FAM185A: variants seen among roughly 807,000 people sequenced by gnomAD.
FAM185A encodes the protein family with sequence similarity 185 member A.
In FAM185A, 21 loss-of-function variants were observed where a neutral mutation model predicts 45.7. That is an observed-to-expected ratio of 0.46 (90% CI 0.33 to 0.66). The LOEUF is 0.66. Ranked by LOEUF, FAM185A falls within the 30% of genes least tolerant of loss-of-function variation. The pLI, the probability that FAM185A is intolerant of heterozygous loss-of-function variation, is 0.03. For synonymous variants in FAM185A, 117 were observed against 194.0 expected, an observed-to-expected ratio of 0.60 and a Z score of 3.30; for missense variants, 305 against 485.4, an observed-to-expected ratio of 0.63 and a Z score of 3.49.
intron 7 of FAM185A, among the ~76,000 whole-genome samples, chr7:102,800,169 C>T (rs1249241590): frequency 6.6e-6 from 1 of 152,148 alleles, no homozygotes; most frequent in Non-Finnish European, 1.5e-5. Flanking sequence ...CACAGCTCGG[C>T]TCTCAGGAAG....
At chr7:102,807,025 C>T (rs6963789) in intron 7 of FAM185A, among the ~76,000 whole-genome samples, 3,137 of 152,230 alleles carry the variant, frequency 0.021, 113 homozygotes, top group African/African-American at 0.071. Flanking sequence ...ATACATGGTC[C>T]ACTGTGGATG....
chr7:102,765,304 G>T (rs938708738), intron 4 of FAM185A, among the ~76,000 whole-genome samples: 1 of 152,084 alleles, frequency 6.6e-6, no homozygotes, highest in African/African-American at 2.4e-5. Flanking sequence ...GACATTTATC[G>T]TGCTTTATGA....
At position 102,755,751 on chromosome 7, in the gene FAM185A, A is replaced by G. The variant is rs543707027; in HGVS notation, c.562-2103A>G. 1.2e-5 allele frequency: 7 copies of G among 581,972 alleles called. No individual in the cohort carries two copies. The East Asian group carries it at 2.3e-4, about 19-fold the overall frequency. The allele number at this position is 581,972 out of a possible 1,614,324, so 36.1% of individuals were successfully genotyped here. The stretch of plus-strand genomic sequence containing the variant: ...GAAGACCTACACCACTGTCGACTTC[A>G]CACAGGTTAACTCAGAAGACAAAGG... On this transcript the variant is annotated intron_variant, in intron 2 of 7. Coordinates refer to ENST00000413034, the MANE Select transcript of FAM185A (RefSeq NM_001145268.2).
chr7:102,752,113 A>G (rs1376511126), intron 2 of FAM185A, among the ~76,000 whole-genome samples: 1 of 152,026 alleles, frequency 6.6e-6, no homozygotes, highest in Non-Finnish European at 1.5e-5. Context: ...ATTTTCTTCC[A>G]TTTTATTAAA....
intron 7 of FAM185A, among the ~76,000 whole-genome samples, chr7:102,789,021 T>C (rs1450465042): frequency 6.6e-6 from 1 of 152,234 alleles, no homozygotes; most frequent in South Asian, 2.1e-4. Flanking sequence ...TGTGAAGGCC[T>C]AGGACATTAC....
In FAM185A at chr7:102,769,919, C is replaced by T. The variant is rs558196753; in HGVS notation, c.794-2490C>T. The stretch of plus-strand genomic sequence containing the variant: ...TGATTCATGAATGGGTTAATCCATT[C>T]ATGAGGGTAGAGCCCTCATGACCCA... On this transcript the variant is annotated intron_variant, in intron 4 of 7. Transcript: ENST00000413034. Among the ~76,000 whole-genome samples, 497 of 152,074 alleles carry T rather than the reference C, an allele frequency of 3.3e-3. 3 individuals are homozygous for T. Among genetic ancestry groups the T allele is most frequent in the African/African-American group, 0.011 (473 of 41,480 alleles).
At chr7:102,783,297 G>C (rs1190626751) in intron 6 of FAM185A, among the ~76,000 whole-genome samples, 1 of 152,094 alleles carries the variant, frequency 6.6e-6, no homozygotes, top group Non-Finnish European at 1.5e-5. Context: ...GCACCAAGCA[G>C]ACCTAATAGA....
At chr7:102,798,393 C>T (rs957794416) in intron 7 of FAM185A, among the ~76,000 whole-genome samples, 1 of 152,198 alleles carries the variant, frequency 6.6e-6, no homozygotes, top group African/African-American at 2.4e-5. Flanking sequence ...AAGCTATTTT[C>T]AAGCAACCTA....
chr7:102,807,298 T>C (rs1584375114), intron 7 of FAM185A, among the ~76,000 whole-genome samples: 1 of 152,254 alleles, frequency 6.6e-6, no homozygotes. Context: ...GGAAATATGG[T>C]TCACAGATTT....
intron 7 of FAM185A, among the ~76,000 whole-genome samples, chr7:102,798,803 A>C (rs1411859849): frequency 6.6e-6 from 1 of 151,926 alleles, no homozygotes; most frequent in Non-Finnish European, 1.5e-5. Flanking sequence ...ACTGGAGTGC[A>C]ATGGCACAAT....
At chr7:102,798,200 T>C (rs1180886326) in intron 7 of FAM185A, among the ~76,000 whole-genome samples, 1 of 152,228 alleles carries the variant, frequency 6.6e-6, no homozygotes, top group Non-Finnish European at 1.5e-5. Flanking sequence ...TGTGTGATTT[T>C]AATTGGCAAA....
At chr7:102,793,200 G>GTT (rs113039515) in intron 7 of FAM185A, among the ~76,000 whole-genome samples, 27 of 151,016 alleles carry the variant, frequency 1.8e-4, no homozygotes, top group African/African-American at 6.4e-4. Flanking sequence ...CTTTTATGGT[G>GTT]TTTTTTTTTT....
At chr7:102,760,687 T>G (rs1370122935) in intron 3 of FAM185A, among the ~76,000 whole-genome samples, 1 of 152,134 alleles carries the variant, frequency 6.6e-6, no homozygotes, top group Non-Finnish European at 1.5e-5. Context: ...GCTGTCCCAT[T>G]GCTTCTGCTA....
chr7:102,826,724 C>CATAT, the FAM185A span, among the ~76,000 whole-genome samples: 566 of 62,312 alleles, frequency 9.1e-3, 10 homozygotes, highest in Non-Finnish European at 0.013. Context: ...GACCCTGTCT[C>CATAT]ATATATATAT....
the FAM185A span, among the ~76,000 whole-genome samples, chr7:102,831,431 A>ACACCC: frequency 8.8e-5 from 13 of 147,126 alleles, no homozygotes; most frequent in African/African-American, 3.0e-4. Flanking sequence ...ACACACACAC[A>ACACCC]CCCCACTACA....
the FAM185A span, among the ~76,000 whole-genome samples, chr7:102,824,449 AAC>A: frequency 6.6e-6 from 1 of 152,126 alleles, no homozygotes; most frequent in African/African-American, 2.4e-5. Context: ...TATCCCCATT[AAC>A]AGATTTGTAA....
intron 3 of FAM185A, 126 bp from the exon 4 acceptor site, chr7:102,761,147 G>A: frequency 1.2e-6 from 1 of 825,336 alleles, no homozygotes; most frequent in South Asian, 2.1e-5. Flanking sequence ...GGGAATCAGA[G>A]TCAATAAAGT....
At chr7:102,841,241 ATC>A in the FAM185A span, among the ~76,000 whole-genome samples, 1 of 151,680 alleles carries the variant, frequency 6.6e-6, no homozygotes, top group Non-Finnish European at 1.5e-5. Flanking sequence ...CCTTCAGACA[ATC>A]TGACAGTTTT....
intron 2 of FAM185A, among the ~76,000 whole-genome samples, 168 bp from the exon 3 acceptor site, chr7:102,757,685 AT>A (rs941611787): frequency 7.9e-5 from 12 of 151,922 alleles, no homozygotes; most frequent in African/African-American, 2.2e-4. Context: ...AGCAGTTGAC[AT>A]TTTTTTCCAG....
Sources: allele counts gnomAD v4.1 joint callset (sites outside exome capture counted in the v4.1 genomes callset), GRCh38; gene constraint gnomAD v4.1.1; transcripts MANE v1.5; gene names NCBI Gene and HGNC (gene_info 2026-07-23, HGNC 2026-07-21).